EPHA7: variants seen among roughly 807,000 people sequenced by gnomAD.
EPHA7 encodes the protein ephrin type-A receptor 7.
In EPHA7, 25 loss-of-function variants were observed where a neutral mutation model predicts 112.6. The observed-to-expected ratio is 0.22, with a 90% CI of 0.16 to 0.31. EPHA7 has a LOEUF of 0.31. EPHA7 is among the 10% of genes least tolerant of loss of function. EPHA7 has a pLI of 1.00. For synonymous variants in EPHA7, 437 were observed against 406.5 expected (o/e 1.07, Z -0.90); for missense variants, 962 against 1,212.6 (o/e 0.79, Z 3.07).
Position 93,419,138 on chromosome 6 carries a change from C to G in EPHA7, c.97+107G>C, listed in dbSNP as rs964429028. 3.5e-6 allele frequency: 3 copies of G among 856,928 alleles called. No individual in the cohort carries two copies. The East Asian group carries it at 9.6e-5, about 27-fold the overall frequency. The allele number at this position is 856,928 out of a possible 1,614,324, so 53.1% of individuals were successfully genotyped here. A position where few individuals can be genotyped will look rare whatever the true frequency, so the allele number is the denominator to read the frequency against. On this transcript the variant is annotated intron_variant, in intron 1 of 16. Transcript: ENST00000369303. ...GGGCGGGGAGCCGGCGGGGGAGGGT[C>G]GCCCGGCGCCGGAGGCGCGGCCGGC...
intron 14 of EPHA7, among the ~76,000 whole-genome samples, chr6:93,248,115 GA>G (rs66534883): frequency 0.66 from 99,284 of 150,276 alleles, 33,431 homozygotes; most frequent in South Asian, 0.84. Context: ...ACCCTCTGAG[GA>G]AAAAAAAAAT....
intron 5 of EPHA7, among the ~76,000 whole-genome samples, chr6:93,315,405 A>G (rs976173479): frequency 4.3e-4 from 66 of 152,196 alleles, no homozygotes; most frequent in African/African-American, 1.5e-3. Flanking sequence ...AATATGCAGC[A>G]GTTGCGTGGT....
Position 93,357,062 on chromosome 6 carries a change from C to A in EPHA7, c.989-10G>T. ...GGTGCAGATGGAGGCCCTTGGGAAA[C>A]CAAGAATAAATAAGTAAATAAGCAA... On this transcript the variant is annotated splice_polypyrimidine_tract_variant and intron_variant, in intron 4 of 16. Transcript: ENST00000369303. 6.4e-7 allele frequency: 1 copy of A among 1,570,552 alleles called. No homozygotes were observed. The highest frequency in any genetic ancestry group is 8.6e-7 in the Non-Finnish European group (1 of 1,160,502).
At chr6:93,302,807 G>A (rs1269462653) in intron 5 of EPHA7, among the ~76,000 whole-genome samples, 7 of 141,964 alleles carry the variant, frequency 4.9e-5, no homozygotes, top group African/African-American at 1.8e-4. Flanking sequence ...ACAGCATGGA[G>A]GGACCTGGAG....
In EPHA7 at chr6:93,358,327, C is replaced by G. The variant is rs768989326; in HGVS notation, c.917G>C (p.Gly306Ala). Residue 306 changes from glycine to alanine, a missense_variant, in exon 4 of 17, where the codon GGC becomes GCC. Physicochemically the swap from Gly to Ala is moderately conservative, Grantham distance 60. Coordinates refer to ENST00000369303, the MANE Select transcript of EPHA7 (RefSeq NM_004440.4). Reference protein sequence around the residue: ...CPTHSFSDKEGSSRCECEDGY... With the variant: ...CPTHSFSDKEASSRCECEDGY... ...ATCTTCACATTCACATCTGGAGGAG[C>G]CTTCTTTATCAGAAAAACTGTGAGT... 3.2e-5 allele frequency: 51 copies of G among 1,613,458 alleles called. No homozygotes were observed. The highest frequency in any genetic ancestry group is 2.3e-4 in the Admixed American group (14 of 59,924).
At chr6:93,359,996 C>T (rs1014259810) in intron 3 of EPHA7, among the ~76,000 whole-genome samples, 11 of 151,982 alleles carry the variant, frequency 7.2e-5, no homozygotes, top group Non-Finnish European at 1.3e-4. Flanking sequence ...CCTCAGAAGC[C>T]AGTTGGCTAT....
Position 93,281,011 on chromosome 6 carries a change from A to G in EPHA7, c.1325-8589T>C, listed in dbSNP as rs912942395. Among the ~76,000 whole-genome samples, 3 of 152,260 alleles carry G rather than the reference A, an allele frequency of 2.0e-5. No individual in the cohort carries two copies. The South Asian group carries it at 6.2e-4, about 32-fold the overall frequency. On this transcript the variant is annotated intron_variant, in intron 5 of 16. Coordinates refer to ENST00000369303, the MANE Select transcript of EPHA7 (RefSeq NM_004440.4). ...ATCTTTTGCAGGAACATAAATTGCTATTCTAAGGTGGGATACCAGCACTCT... is the reference window on the plus strand; with the variant it reads ...ATCTTTTGCAGGAACATAAATTGCTGTTCTAAGGTGGGATACCAGCACTCT...
At chr6:93,333,067 G>C (rs897342905) in intron 5 of EPHA7, among the ~76,000 whole-genome samples, 19 of 151,604 alleles carry the variant, frequency 1.3e-4, no homozygotes, top group Non-Finnish European at 2.1e-4. Context: ...CCTGATATCT[G>C]TCATTCCCTT....
At chr6:93,373,831 T>C (rs531209594) in intron 3 of EPHA7, among the ~76,000 whole-genome samples, 1 of 151,948 alleles carries the variant, frequency 6.6e-6, no homozygotes, top group Non-Finnish European at 1.5e-5. Flanking sequence ...TAGTATATTG[T>C]TACATGTTTT....
intron 3 of EPHA7, among the ~76,000 whole-genome samples, chr6:93,397,624 C>A (rs1778244570): frequency 6.6e-6 from 1 of 151,860 alleles, no homozygotes; most frequent in South Asian, 2.1e-4. Context: ...TGCGTATGTC[C>A]ATCAATCGAT....
intron 5 of EPHA7, among the ~76,000 whole-genome samples, chr6:93,287,228 C>G (rs1459974823): frequency 6.6e-6 from 1 of 152,172 alleles, no homozygotes; most frequent in Non-Finnish European, 1.5e-5. Context: ...GCCTATAACT[C>G]TTTCCACCTG....
intron 5 of EPHA7, among the ~76,000 whole-genome samples, chr6:93,325,157 G>A (rs957380132): frequency 6.6e-6 from 1 of 151,248 alleles, no homozygotes; most frequent in Non-Finnish European, 1.5e-5. Flanking sequence ...TATGCATATA[G>A]GGAAACACTT....
chr6:93,330,692 C>A (rs888383390), intron 5 of EPHA7, among the ~76,000 whole-genome samples: 1 of 151,124 alleles, frequency 6.6e-6, no homozygotes, highest in African/African-American at 2.4e-5. Flanking sequence ...ACCTGTTGAT[C>A]GATACTTAGG....
chr6:93,401,702 G>T (rs922373492), intron 3 of EPHA7, among the ~76,000 whole-genome samples: 4 of 151,902 alleles, frequency 2.6e-5, no homozygotes, highest in Admixed American at 6.6e-5. Context: ...AAATTTGTGA[G>T]ATATTTTGCA....
Position 93,245,336 on chromosome 6 carries a change from G to C in EPHA7, c.2844C>G (p.Gly948=), listed in dbSNP as rs763886229. 1 of 1,613,348 alleles carries C rather than the reference G, an allele frequency of 6.2e-7. No homozygotes were observed. The highest frequency in any genetic ancestry group is 8.5e-7 in the Non-Finnish European group (1 of 1,179,840). ...TGGCTACTGATTCAAGGGAATTGTA[G>C]CCAGCTGCCGTGAAATTATCTTTAT... is the stretch of plus-strand genomic sequence containing the variant. ...ERYKDNFTAA[G]YNSLESVARM... is the part of the protein sequence containing the mutation. The change falls in exon 16 of 17, where the codon GGC becomes GGG. Residue 948 remains glycine, a synonymous_variant. Coordinates refer to ENST00000369303, the MANE Select transcript of EPHA7 (RefSeq NM_004440.4).
At chr6:93,245,584 A>G in intron 15 of EPHA7, 131 bp from the exon 16 acceptor site, 2 of 830,016 alleles carry the variant, frequency 2.4e-6, no homozygotes, top group Non-Finnish European at 3.5e-6. Flanking sequence ...TAAAAAATAC[A>G]TCGATATGCT....
At chr6:93,395,559 T>C (rs1374099152) in intron 3 of EPHA7, among the ~76,000 whole-genome samples, 1 of 145,572 alleles carries the variant, frequency 6.9e-6, no homozygotes, top group African/African-American at 2.6e-5. Flanking sequence ...TGGATAAGGA[T>C]ATATCTTTAC....
chr6:93,364,495 T>A (rs1208664791), intron 3 of EPHA7, among the ~76,000 whole-genome samples: 2 of 132,380 alleles, frequency 1.5e-5, no homozygotes, highest in East Asian at 4.4e-4. Context: ...CTGCACTCCA[T>A]CCAGCGTGGG....
chr6:93,397,434 C>T (rs1238069843), intron 3 of EPHA7, among the ~76,000 whole-genome samples: 1 of 151,844 alleles, frequency 6.6e-6, no homozygotes, highest in Non-Finnish European at 1.5e-5. Context: ...TAAATCATTA[C>T]TCTTAATTGA....
Sources: gnomAD v4.1 joint callset for allele counts (sites outside exome capture counted in the v4.1 genomes callset) on GRCh38, gnomAD v4.1.1 for gene constraint, MANE v1.5 for transcripts, NCBI Gene and HGNC (gene_info 2026-07-23, HGNC 2026-07-21) for gene names.